ROBO2: variants seen among roughly 807,000 people sequenced by gnomAD.
The protein encoded by ROBO2 is roundabout guidance receptor 2.
ROBO2 carries 53 observed loss-of-function variants against 160.8 expected under a neutral mutation model. The observed-to-expected ratio is 0.33, with a 90% confidence interval of 0.26 to 0.41. The LOEUF (loss-of-function observed/expected upper bound fraction) is 0.41. Ranked by LOEUF, ROBO2 falls within the 10% of genes least tolerant of loss-of-function variation. The pLI is 1.00. For synonymous variants in ROBO2, 664 were observed against 611.7 expected (o/e 1.09, Z -1.26); for missense variants, 1,577 against 1,722.4 (o/e 0.92, Z 1.49).
intron 2 of ROBO2, among the ~76,000 whole-genome samples, chr3:76,406,866 C>A (rs1485042254): frequency 3.3e-5 from 5 of 151,790 alleles, no homozygotes; most frequent in African/African-American, 1.2e-4. Flanking sequence ...GAATGATTTT[C>A]TTTGAAACCA....
At chr3:76,503,427 A>G (rs1460758991) in intron 2 of ROBO2, among the ~76,000 whole-genome samples, 1 of 152,182 alleles carries the variant, frequency 6.6e-6, no homozygotes, top group African/African-American at 2.4e-5. Context: ...TTAGCATCAC[A>G]AGTCCATATG....
At chr3:77,210,101 T>C (rs1221381990) in intron 2 of ROBO2, among the ~76,000 whole-genome samples, 1 of 151,986 alleles carries the variant, frequency 6.6e-6, no homozygotes, top group South Asian at 2.1e-4. Context: ...GCTTTGGAGG[T>C]AAGCTTATGC....
At chr3:77,598,291 A>G (rs183817802) in intron 19 of ROBO2, among the ~76,000 whole-genome samples, 44 of 151,970 alleles carry the variant, frequency 2.9e-4, no homozygotes, top group Middle Eastern at 3.4e-3. Context: ...TTGTATTTCA[A>G]ATAATGAAGC....
chr3:76,757,870 T>C (rs1374137144), intron 2 of ROBO2, among the ~76,000 whole-genome samples: 1 of 151,584 alleles, frequency 6.6e-6, no homozygotes, highest in Non-Finnish European at 1.5e-5. Context: ...TTTTCATCTC[T>C]TTATCTAGTA....
rs2092370319 is a variant in ROBO2 at position 77,539,778 on chromosome 3, G to A, written c.935-6560G>A. On this transcript the variant is annotated intron_variant, in intron 6 of 25. Coordinates refer to ENST00000461745, the Ensembl canonical transcript of ROBO2. ...CTAAGGAAGTCAGACATATAGGCTG[G>A]GGAAAAATAGAGAAGGCAATGCAAG... 2.0e-5 allele frequency among the ~76,000 whole-genome samples: 3 copies of A among 152,060 alleles called. 1 individual carries two copies. In the South Asian group the frequency reaches 6.2e-4, roughly 32 times the overall value.
rs146690724 is a variant in ROBO2, at chr3:77,291,398, G to A, written c.389-186016G>A. Among the ~76,000 whole-genome samples the A allele has an allele frequency of 5.9e-5, 9 of 151,898 alleles. No individual in the cohort carries two copies. In the East Asian group the frequency reaches 1.6e-3, roughly 26 times the overall value. ...GAGGCTACATCACCCCAGACATAAAGTAAAATTGATAGTTAAACGGGTAAG... is the reference window on the plus strand; with the variant it reads ...GAGGCTACATCACCCCAGACATAAAATAAAATTGATAGTTAAACGGGTAAG... On this transcript the variant is annotated intron_variant, in intron 2 of 25. Coordinates refer to ENST00000461745, the Ensembl canonical transcript of ROBO2.
At position 76,091,969 on chromosome 3, in the gene ROBO2, T is replaced by C. The variant is rs759884594; in HGVS notation, c.109+154367T>C. Among the ~76,000 whole-genome samples the C allele has an allele frequency of 2.2e-5, 3 of 139,036 alleles. No homozygotes were observed. In the Admixed American group the frequency reaches 2.2e-4, roughly 10 times the overall value. 91.2% of individuals were successfully genotyped at this position (139,036 alleles called of 152,430 possible). On this transcript the variant is annotated intron_variant, in intron 2 of 26. Transcript: ENST00000487694. ...AGATCACAGAGGATTTTTAGGACAG[T>C]GAAATTATTCTATATGATACACTAG...
At chr3:76,357,595 A>G (rs2075251482) in intron 2 of ROBO2, among the ~76,000 whole-genome samples, 2 of 151,932 alleles carry the variant, frequency 1.3e-5, no homozygotes, top group South Asian at 4.1e-4. Flanking sequence ...AGTGTTTTCT[A>G]TTTTATCTCA....
chr3:77,092,347 T>A (rs923114864), intron 1 of ROBO2, among the ~76,000 whole-genome samples: 4 of 151,820 alleles, frequency 2.6e-5, no homozygotes, highest in African/African-American at 9.7e-5. Flanking sequence ...CTCCATTCAT[T>A]TCTAAAGAAG....
intron 1 of ROBO2, among the ~76,000 whole-genome samples, chr3:77,084,834 C>T (rs2069099814): frequency 6.6e-6 from 1 of 152,102 alleles, no homozygotes; most frequent in Non-Finnish European, 1.5e-5. Context: ...ACGTTTATTG[C>T]ACTCACATTT....
At chr3:76,928,189 T>G (rs2077100923) in intron 2 of ROBO2, among the ~76,000 whole-genome samples, 1 of 152,070 alleles carries the variant, frequency 6.6e-6, no homozygotes. Context: ...ATAGGTAACA[T>G]TGTTGGCTTT....
intron 2 of ROBO2, among the ~76,000 whole-genome samples, chr3:76,132,994 C>T (rs1335213962): frequency 2.0e-5 from 3 of 152,050 alleles, no homozygotes; most frequent in Admixed American, 6.6e-5. Context: ...GGGCTGCAAA[C>T]GGTCTTGACT....
At chr3:76,165,261 G>A (rs2106948483) in intron 2 of ROBO2, among the ~76,000 whole-genome samples, 1 of 152,190 alleles carries the variant, frequency 6.6e-6, no homozygotes, top group South Asian at 2.1e-4. Context: ...TTCTACATCA[G>A]CACTTGCTGC....
At chr3:77,258,729 T>C (rs2058587832) in intron 2 of ROBO2, among the ~76,000 whole-genome samples, 1 of 152,140 alleles carries the variant, frequency 6.6e-6, no homozygotes, top group African/African-American at 2.4e-5. Context: ...ATCTTCAAAG[T>C]CTAGCATCAA....
intron 2 of ROBO2, among the ~76,000 whole-genome samples, chr3:76,560,929 GTAAGATATATATATAT>G (rs1382288334): frequency 2.1e-5 from 2 of 97,278 alleles, no homozygotes; most frequent in Non-Finnish European, 3.9e-5. Context: ...TATATAAGAA[GTAAGATATATATATAT>G]ATATATATAT....
At chr3:76,530,879 T>C (rs946621981) in intron 2 of ROBO2, among the ~76,000 whole-genome samples, 38 of 152,218 alleles carry the variant, frequency 2.5e-4, no homozygotes, top group Non-Finnish European at 2.8e-4. Context: ...CTTCTCTCTT[T>C]ACCTTCATTT....
intron 2 of ROBO2, among the ~76,000 whole-genome samples, chr3:76,456,381 T>C (rs2077754558): frequency 6.6e-6 from 1 of 152,246 alleles, no homozygotes; most frequent in South Asian, 2.1e-4. Context: ...TCCAGTTGCA[T>C]ATGTTATTGA....
chr3:77,103,893 G>C (rs2072410619), intron 2 of ROBO2, among the ~76,000 whole-genome samples: 1 of 152,128 alleles, frequency 6.6e-6, no homozygotes, highest in South Asian at 2.1e-4. Flanking sequence ...GAGCTTCCTT[G>C]ATCTCCTCAA....
At chr3:76,639,731 C>T (rs1051340162) in intron 2 of ROBO2, among the ~76,000 whole-genome samples, 5 of 152,076 alleles carry the variant, frequency 3.3e-5, no homozygotes, top group South Asian at 4.1e-4. Context: ...GATGCTCTTC[C>T]GCTGACACTC....
Sources: gnomAD v4.1 joint callset for allele counts (sites outside exome capture counted in the v4.1 genomes callset) on GRCh38, gnomAD v4.1.1 for gene constraint, MANE v1.5 for transcripts, NCBI Gene and HGNC (gene_info 2026-07-23, HGNC 2026-07-21) for gene names.